The following COL5A1 variants were observed in gnomAD, a reference collection of about 807,000 sequenced individuals.
The protein encoded by COL5A1 is collagen alpha-1(V) chain.
Under a neutral mutation model 263.7 loss-of-function variants are expected in COL5A1, and 16 were observed. That is an observed-to-expected ratio of 0.06 (90% CI 0.04 to 0.09). COL5A1 has a LOEUF of 0.09. COL5A1 is among the 10% of genes least tolerant of loss of function. COL5A1 has a pLI of 1.00. For synonymous variants in COL5A1, 1,012 were observed against 1,004.5 expected, an observed-to-expected ratio of 1.01 and a Z score of -0.14; for missense variants, 2,036 against 2,540.5, an observed-to-expected ratio of 0.80 and a Z score of 4.27.
Position 134,750,603 on chromosome 9 carries a change from T to C in COL5A1, c.1556T>C (p.Met519Thr), listed in dbSNP as rs202069285. Residue 519 changes from methionine (M) to threonine (T), a missense_variant, in exon 12 of 66, where the codon ATG becomes ACG. Coordinates refer to ENST00000371817, the MANE Select transcript of COL5A1 (RefSeq NM_000093.5). Reference protein sequence around the residue: ...ADGLPGPPGTMLMLPFRFGGG... With the variant: ...ADGLPGPPGTTLMLPFRFGGG... ...GGCCTGCCCGGTCCTCCAGGAACCA[T>C]GCTCATGCTGCCCGTGAGTACCCTT... 3.3e-5 allele frequency: 53 copies of C among 1,613,480 alleles called. No homozygotes were observed. The highest frequency in any genetic ancestry group is 4.2e-5 in the Non-Finnish European group (50 of 1,180,004).
intron 46 of COL5A1, 93 bp from the exon 47 acceptor site, chr9:134,812,353 CAGT>C: frequency 7.7e-7 from 1 of 1,292,136 alleles, no homozygotes; most frequent in Non-Finnish European, 1.1e-6. Flanking sequence ...TTCGGGGGCT[CAGT>C]GGTGCTGTGT....
intron 64 of COL5A1, among the ~76,000 whole-genome samples, chr9:134,834,328 C>T (rs1158170327): frequency 6.6e-6 from 1 of 152,226 alleles, no homozygotes; most frequent in Non-Finnish European, 1.5e-5. Context: ...GTTCTCTGTT[C>T]ACTCAACACA....
Position 134,696,849 on chromosome 9 carries a change from T to C in COL5A1, c.278-3060T>C, listed in dbSNP as rs548887644. 1.2e-4 allele frequency among the ~76,000 whole-genome samples: 18 copies of C among 152,176 alleles called. No individual in the cohort carries two copies. The East Asian group carries it at 3.5e-3, about 30-fold the overall frequency. On this transcript the variant is annotated intron_variant, in intron 2 of 65. Transcript: ENST00000371817. This position sits in a 1 kb window ranked among gnomAD's most constrained non-coding sequence, Gnocchi z 4.3. Reference sequence around the variant, plus strand: ...ACTTTGGGAGGCCAAGGCAGGCGGATCACGAGGTCAGGAGATCGAGACCAT... The same window carrying C: ...ACTTTGGGAGGCCAAGGCAGGCGGACCACGAGGTCAGGAGATCGAGACCAT...
At chr9:134,703,021 C>T (rs1197038837) in intron 4 of COL5A1, among the ~76,000 whole-genome samples, 7 of 152,220 alleles carry the variant, frequency 4.6e-5, no homozygotes, top group South Asian at 2.1e-4. Flanking sequence ...CACAGCCCCG[C>T]GGCCCAGTGC....
chr9:134,700,191 C>G lies in COL5A1; in HGVS notation c.491+69C>G. The G allele has an allele frequency of 6.9e-7, 1 of 1,453,568 alleles. No individual in the cohort carries two copies. Among genetic ancestry groups the G allele is most frequent in the East Asian group, 2.3e-5 (1 of 43,306 alleles). The allele number at this position is 1,453,568 out of a possible 1,614,324, so 90.0% of individuals were successfully genotyped here. A position where few individuals can be genotyped will look rare whatever the true frequency, so the allele number is the denominator to read the frequency against. ...GATCAGGCCAGCTCATACCACTGAC[C>G]AGATGTGGGGCACAGTAGAGGACGT... On this transcript the variant is annotated intron_variant, in intron 3 of 65. Coordinates refer to ENST00000371817, the MANE Select transcript of COL5A1 (RefSeq NM_000093.5). The surrounding 1 kb of genome is among the most constrained non-coding windows in gnomAD (Gnocchi z 4.0).
intron 9 of COL5A1, chr9:134,732,450 G>A (rs979973862): frequency 4.1e-5 from 21 of 513,998 alleles, no homozygotes; most frequent in Non-Finnish European, 6.0e-5. Context: ...CTATCGAGGC[G>A]GAGGCGGAGT....
intron 4 of COL5A1, among the ~76,000 whole-genome samples, chr9:134,721,583 C>T (rs1044254964): frequency 9.2e-5 from 14 of 152,176 alleles, no homozygotes; most frequent in Admixed American, 3.3e-4. Flanking sequence ...AGGCAGGTGT[C>T]TCACTGGAGT....
intron 4 of COL5A1, chr9:134,708,488 A>C (rs781711869): frequency 1.7e-5 from 8 of 473,332 alleles, no homozygotes; most frequent in Non-Finnish European, 3.4e-5. Context: ...TCGGTCCAAG[A>C]CCCGCATCTA....
intron 1 of COL5A1, among the ~76,000 whole-genome samples, chr9:134,676,356 T>C (rs890971573): frequency 1.3e-5 from 2 of 152,244 alleles, no homozygotes; most frequent in Admixed American, 6.5e-5. Context: ...TCTCTCCATC[T>C]CAGGCCGTCT....
chr9:134,643,580 A>G (rs1015605086), intron 1 of COL5A1, among the ~76,000 whole-genome samples: 5 of 151,798 alleles, frequency 3.3e-5, no homozygotes, highest in African/African-American at 1.2e-4. Flanking sequence ...GCTCTGGGGG[A>G]GGAGCCAGGA....
chr9:134,651,957 G>A (rs1282610268), intron 1 of COL5A1, among the ~76,000 whole-genome samples: 4 of 152,192 alleles, frequency 2.6e-5, no homozygotes, highest in Non-Finnish European at 4.4e-5. Flanking sequence ...AGGAGAAAGT[G>A]TCCCGTGTCC....
intron 51 of COL5A1, 46 bp downstream of exon 51, chr9:134,815,675 G>A (rs1378374738): frequency 1.1e-5 from 18 of 1,588,882 alleles, no homozygotes; most frequent in Admixed American, 3.4e-5. Flanking sequence ...CACAGTGCTG[G>A]CCTGCCTCTG....
chr9:134,833,883 G>A (rs1179166711), intron 64 of COL5A1, among the ~76,000 whole-genome samples: 1 of 152,204 alleles, frequency 6.6e-6, no homozygotes, highest in Non-Finnish European at 1.5e-5. Context: ...GCCAGAGCTG[G>A]AGTGGAGGGA....
chr9:134,765,410 G>GC lies in COL5A1; in HGVS notation c.2035-265dup, dbSNP rs913183777. ...GTCAGAGGAGCCGGTCAGCTTGAAA[G>GC]CCCCCCTTTCCCTGAGGGTGCCCTG... On this transcript the variant is annotated intron_variant, in intron 20 of 65. Coordinates refer to ENST00000371817, the MANE Select transcript of COL5A1 (RefSeq NM_000093.5). This position sits in a 1 kb window ranked among gnomAD's most constrained non-coding sequence, Gnocchi z 5.1. Among the ~76,000 whole-genome samples, 132 of 152,038 alleles carry GC rather than the reference G, an allele frequency of 8.7e-4. No homozygotes were observed. Among genetic ancestry groups the GC allele is most frequent in the African/African-American group, 2.8e-3 (116 of 41,412 alleles).
At chr9:134,663,826 T>A (rs1436387263) in intron 1 of COL5A1, among the ~76,000 whole-genome samples, 1 of 152,196 alleles carries the variant, frequency 6.6e-6, no homozygotes, top group East Asian at 1.9e-4. Flanking sequence ...TAATTTAAAG[T>A]GTCGCCTATT....
chr9:134,717,461 A>G (rs115577991), intron 4 of COL5A1, among the ~76,000 whole-genome samples: 2,327 of 152,294 alleles, frequency 0.015, 61 homozygotes, highest in African/African-American at 0.052. Context: ...ACCTGAGATC[A>G]CTCAGCCAGC....
intron 1 of COL5A1, among the ~76,000 whole-genome samples, chr9:134,664,521 G>GGCC (rs1331305812): frequency 2.0e-5 from 3 of 152,148 alleles, no homozygotes; most frequent in African/African-American, 7.2e-5. Context: ...ACACCAAGAT[G>GGCC]GCCGACACAC....
chr9:134,752,354 C>T (rs1272985035), intron 13 of COL5A1, among the ~76,000 whole-genome samples: 3 of 151,852 alleles, frequency 2.0e-5, no homozygotes, highest in African/African-American at 2.4e-5. Flanking sequence ...GAAACGGGGG[C>T]CCACTGGCTT....
At chr9:134,708,598 A>T (rs1009158182) in intron 4 of COL5A1, 3 of 518,782 alleles carry the variant, frequency 5.8e-6, no homozygotes, top group Non-Finnish European at 1.2e-5. Context: ...CCACCCTGGC[A>T]GTGCTGAGGC....
Sources: allele counts gnomAD v4.1 joint callset (sites outside exome capture counted in the v4.1 genomes callset), GRCh38; gene constraint gnomAD v4.1.1; non-coding constraint Gnocchi (gnomAD v3.1); transcripts MANE v1.5; gene names NCBI Gene and HGNC (gene_info 2026-07-23, HGNC 2026-07-21).